Variants in PBK observed in about 807,000 individuals in gnomAD.
PBK encodes the protein PDZ binding kinase, also known as lymphokine-activated killer T-cell-originated protein kinase.
PBK carries 22 observed loss-of-function variants against 33.5 expected under a neutral mutation model. The observed-to-expected ratio is 0.66, with a 90% CI of 0.47 to 0.94. PBK has a LOEUF of 0.94. PBK is among the 40% of genes least tolerant of loss of function. PBK has a pLI of 0.00. For synonymous variants in PBK, 129 were observed against 123.8 expected (o/e 1.04, Z -0.28); for missense variants, 376 against 383.4 (o/e 0.98, Z 0.16).
chr8:27,832,358 G>A (rs914977673), intron 2 of PBK, among the ~76,000 whole-genome samples: 2 of 152,130 alleles, frequency 1.3e-5, no homozygotes, highest in African/African-American at 4.8e-5. Flanking sequence ...AACAAGGCAA[G>A]TATATCCACT....
chr8:27,817,607 G>A (rs1203765152), intron 6 of PBK, among the ~76,000 whole-genome samples: 1 of 150,928 alleles, frequency 6.6e-6, no homozygotes, highest in Non-Finnish European at 1.5e-5. Flanking sequence ...ATGAAGTTTT[G>A]CAGGAAATAA....
In PBK at chr8:27,820,427, GA is replaced by G. The variant is rs1309597307; in HGVS notation, c.595+137del. 37 of 583,140 alleles carry G rather than the reference GA, an allele frequency of 6.3e-5. 1 individual carries two copies. In the East Asian group the frequency reaches 1.1e-3, roughly 18 times the overall value. The allele number at this position is 583,140 out of a possible 1,614,324, so 36.1% of individuals were successfully genotyped here. A position where few individuals can be genotyped will look rare whatever the true frequency, so the allele number is the denominator to read the frequency against. ...GGAGAAGACTGCAGGCTGACTGGGA[GA>G]GAGAGAAAAAAAGGGGACTTTTTAC... On this transcript the variant is annotated intron_variant, in intron 6 of 7. Transcript: ENST00000301905.
Position 27,833,072 on chromosome 8 carries a change from T to G in PBK, c.42A>C (p.Ser14=). 1.3e-6 allele frequency: 2 copies of G among 1,595,732 alleles called. No homozygotes were observed. Among genetic ancestry groups the G allele is most frequent in the Non-Finnish European group, 1.7e-6 (2 of 1,170,338 alleles). The change falls in exon 2 of 8, where the codon TCA becomes TCC. Residue 14 remains serine (S), a synonymous_variant. Transcript: ENST00000301905. Reference sequence around the variant, plus strand: ...CTATCTTACCAGATTTCTTTTTTTCTGATAATTTGCTTGGTGTCTTGAAAT... The same window carrying G: ...CTATCTTACCAGATTTCTTTTTTTCGGATAATTTGCTTGGTGTCTTGAAAT... ...ISNFKTPSKL[S]EKKKSVLCST...
At chr8:27,823,958 A>G (rs973117934) in intron 3 of PBK, among the ~76,000 whole-genome samples, 1 of 152,130 alleles carries the variant, frequency 6.6e-6, no homozygotes, top group Non-Finnish European at 1.5e-5. Flanking sequence ...AGAGCCTCAG[A>G]AGTTTAAGAC....
intron 1 of PBK, among the ~76,000 whole-genome samples, chr8:27,834,597 A>G (rs1164853231): frequency 6.6e-6 from 1 of 152,258 alleles, no homozygotes; most frequent in Non-Finnish European, 1.5e-5. Context: ...AAAATTGTCT[A>G]TGAAAATAAA....
At chr8:27,819,951 T>C (rs928234476) in intron 6 of PBK, among the ~76,000 whole-genome samples, 1 of 152,206 alleles carries the variant, frequency 6.6e-6, no homozygotes. Flanking sequence ...CAGGCATTTA[T>C]ATGTTCTAAA....
At chr8:27,831,334 C>G (rs1033368481) in intron 2 of PBK, among the ~76,000 whole-genome samples, 2 of 150,664 alleles carry the variant, frequency 1.3e-5, no homozygotes, top group African/African-American at 4.9e-5. Context: ...TTACGGGTGA[C>G]AAAAGGAAAC....
At chr8:27,820,423 G>T in intron 6 of PBK, 142 bp downstream of exon 6, 1 of 575,094 alleles carries the variant, frequency 1.7e-6, no homozygotes, top group Non-Finnish European at 3.0e-6. Flanking sequence ...CAGGCTGACT[G>T]GGAGAGAGAG....
intron 1 of PBK, among the ~76,000 whole-genome samples, chr8:27,835,702 C>T (rs1459192666): frequency 2.6e-5 from 4 of 152,186 alleles, no homozygotes; most frequent in African/African-American, 9.7e-5. Context: ...TAGGCATGTG[C>T]CACCATGCCC....
rs1371690294 is a variant in PBK, at chr8:27,810,059, G to C, written c.*246C>G. 4.4e-6 allele frequency: 2 copies of C among 455,642 alleles called. No individual in the cohort carries two copies. Among genetic ancestry groups the C allele is most frequent in the African/African-American group, 4.1e-5 (2 of 49,022 alleles). The allele number at this position is 455,642 out of a possible 1,614,324, so 28.2% of individuals were successfully genotyped here. On this transcript the variant is annotated 3_prime_UTR_variant, in exon 8 of 8. Coordinates refer to ENST00000301905, the MANE Select transcript of PBK (RefSeq NM_018492.4). ...GTTTTACTGCTAGTGTTTTAAGTCAGCATGAGCAGTATCAAAGTACTTATG... is the reference window on the plus strand; with the variant it reads ...GTTTTACTGCTAGTGTTTTAAGTCACCATGAGCAGTATCAAAGTACTTATG...
At chr8:27,836,140 A>C (rs1349669558) in intron 1 of PBK, among the ~76,000 whole-genome samples, 1 of 152,190 alleles carries the variant, frequency 6.6e-6, no homozygotes, top group Non-Finnish European at 1.5e-5. Flanking sequence ...TCTCCTTGAG[A>C]AACTCATTTG....
intron 6 of PBK, among the ~76,000 whole-genome samples, chr8:27,818,524 G>C (rs1313418733): frequency 6.6e-6 from 1 of 152,054 alleles, no homozygotes; most frequent in Non-Finnish European, 1.5e-5. Flanking sequence ...TTGTTATTTA[G>C]CTTTTAAAAC....
chr8:27,829,691 C>T (rs970465325), intron 2 of PBK, among the ~76,000 whole-genome samples: 15 of 151,274 alleles, frequency 9.9e-5, no homozygotes, highest in African/African-American at 3.7e-4. Context: ...CATGGTGAAA[C>T]CCCGTCTCTA....
chr8:27,828,970 C>T (rs1806078702), intron 2 of PBK, among the ~76,000 whole-genome samples: 1 of 152,114 alleles, frequency 6.6e-6, no homozygotes, highest in Non-Finnish European at 1.5e-5. Context: ...TATCACTGCC[C>T]TAACTTACTG....
intron 6 of PBK, among the ~76,000 whole-genome samples, chr8:27,816,728 A>T (rs978649983): frequency 7.9e-5 from 12 of 152,190 alleles, no homozygotes; most frequent in Non-Finnish European, 1.6e-4. Flanking sequence ...TTTAAAAAAA[A>T]TTTTAAGATT....
chr8:27,822,211 C>A (rs942819788), intron 5 of PBK, 108 bp downstream of exon 5: 1 of 821,306 alleles, frequency 1.2e-6, no homozygotes, highest in Admixed American at 3.0e-5. Context: ...TTGGAACTGA[C>A]AAGTAACAAT....
Position 27,834,300 on chromosome 8 carries a change from T to TA in PBK, c.-20-1168dup, listed in dbSNP as rs1382138722. On this transcript the variant is annotated intron_variant, in intron 1 of 7. Transcript: ENST00000301905. Reference sequence around the variant, plus strand: ...CCTGGGCCTCCCAAAGTGCTGGGATTACAGGCATAAGCCACCGTGCCCGTC... The same window carrying TA: ...CCTGGGCCTCCCAAAGTGCTGGGATTAACAGGCATAAGCCACCGTGCCCGTC... Among the ~76,000 whole-genome samples the TA allele has an allele frequency of 5.3e-5, 8 of 152,126 alleles. No homozygotes were observed. The East Asian group carries it at 1.5e-3, about 29-fold the overall frequency.
chr8:27,837,806 C>G lies in PBK; in HGVS notation c.-175G>C, dbSNP rs534326554. ...GGCAGCTGCCGTTGCAATTCGAACC[C>G]TCCTGGCTTTCAAAAAGTCGCGCGC... is the stretch of plus-strand genomic sequence containing the variant. On this transcript the variant is annotated 5_prime_UTR_variant, in exon 1 of 8. Coordinates refer to ENST00000301905, the MANE Select transcript of PBK (RefSeq NM_018492.4). The G allele has an allele frequency of 6.6e-6, 1 of 152,250 alleles. No individual in the cohort carries two copies. Among genetic ancestry groups the G allele is most frequent in the Non-Finnish European group, 1.5e-5 (1 of 68,054 alleles). 9.4% of individuals were successfully genotyped at this position (152,250 alleles called of 1,614,324 possible).
At chr8:27,814,988 T>C (rs1805782636) in intron 6 of PBK, among the ~76,000 whole-genome samples, 1 of 152,190 alleles carries the variant, frequency 6.6e-6, no homozygotes, top group South Asian at 2.1e-4. Flanking sequence ...ATGAAAATTT[T>C]CAGTATTTGA....
Sources: gnomAD v4.1 joint callset for allele counts (sites outside exome capture counted in the v4.1 genomes callset) on GRCh38, gnomAD v4.1.1 for gene constraint, MANE v1.5 for transcripts, NCBI Gene and HGNC (gene_info 2026-07-23, HGNC 2026-07-21) for gene names.